The following OPA1 variants were observed in gnomAD, a reference collection of about 807,000 sequenced individuals.
OPA1 encodes the protein dynamin-like GTPase OPA1, mitochondrial.
Under a neutral mutation model 152.9 loss-of-function variants are expected in OPA1, and 59 were observed. The observed-to-expected ratio is 0.39, with a 90% CI of 0.31 to 0.48. The LOEUF is 0.48. OPA1 is among the 20% of genes least tolerant of loss of function. The pLI is 0.96. For synonymous variants in OPA1, 400 were observed against 389.9 expected, an observed-to-expected ratio of 1.03 and a Z score of -0.31; for missense variants, 1,008 against 1,216.8, an observed-to-expected ratio of 0.83 and a Z score of 2.55.
chr3:193,667,134 C>T (rs376964931), intron 28 of OPA1, 36 bp from the exon 29 acceptor site: 17 of 957,914 alleles, frequency 1.8e-5, no homozygotes, highest in Non-Finnish European at 2.2e-5. Context: ...TTTATAAAAA[C>T]GATGCTCCTC....
At chr3:193,646,979 C>G in intron 18 of OPA1, 86 bp from the exon 19 acceptor site, 1 of 819,886 alleles carries the variant, frequency 1.2e-6, no homozygotes, top group Non-Finnish European at 2.0e-6. Flanking sequence ...TGGCTGTTAG[C>G]AAGCACATTC....
chr3:193,651,454 G>T (rs1712416927), intron 21 of OPA1, among the ~76,000 whole-genome samples: 1 of 152,004 alleles, frequency 6.6e-6, no homozygotes, highest in Non-Finnish European at 1.5e-5. Context: ...TAAATAATGA[G>T]TATGTTTATA....
chr3:193,629,912 C>T (rs1466636493), intron 7 of OPA1, among the ~76,000 whole-genome samples: 1 of 152,056 alleles, frequency 6.6e-6, no homozygotes, highest in African/African-American at 2.4e-5. Flanking sequence ...ACATTTAAAA[C>T]TAAAACAATT....
intron 8 of OPA1, among the ~76,000 whole-genome samples, chr3:193,632,784 C>T (rs1176268057): frequency 6.6e-6 from 1 of 152,106 alleles, no homozygotes; most frequent in East Asian, 1.9e-4. Flanking sequence ...GCGGGAGGAT[C>T]ACTTGAGCCC....
intron 29 of OPA1, among the ~76,000 whole-genome samples, chr3:193,678,822 A>G (rs1351312605): frequency 6.6e-6 from 1 of 152,130 alleles, no homozygotes; most frequent in Non-Finnish European, 1.5e-5. Context: ...TCTCTCTTCA[A>G]AGATGCTCAA....
intron 21 of OPA1, among the ~76,000 whole-genome samples, chr3:193,654,466 A>C (rs1211600529): frequency 6.6e-6 from 1 of 151,738 alleles, no homozygotes; most frequent in Non-Finnish European, 1.5e-5. Context: ...ACTGTACTCC[A>C]TCCAGCCTGG....
rs753835372 is a variant in OPA1, at chr3:193,614,975, G to A, written c.285G>A (p.Thr95=). 24 of 1,614,052 alleles carry A rather than the reference G, an allele frequency of 1.5e-5. No homozygotes were observed. Among genetic ancestry groups the A allele is most frequent in the Non-Finnish European group, 1.9e-5 (23 of 1,180,022 alleles). ...ATTTTTGGCCAGCAAGATTAGCTAC[G>A]AGACTCTTAAAACTTCGCTATCTCA... ...RRNFWPARLA[T]RLLKLRYLIL... Residue 95 remains threonine, a synonymous_variant, in exon 2 of 31, where the codon ACG becomes ACA. Transcript: ENST00000361510.
intron 29 of OPA1, among the ~76,000 whole-genome samples, chr3:193,679,395 G>A (rs1290603511): frequency 6.6e-6 from 1 of 152,062 alleles, no homozygotes; most frequent in Non-Finnish European, 1.5e-5. Flanking sequence ...GAAACTCTAG[G>A]ATCTGGCCCT....
chr3:193,625,707 A>T (rs1346091674), intron 6 of OPA1, among the ~76,000 whole-genome samples: 1 of 151,936 alleles, frequency 6.6e-6, no homozygotes, highest in Non-Finnish European at 1.5e-5. Context: ...AGCTATTATG[A>T]TCTTCAATCA....
In OPA1 at chr3:193,608,179, G is replaced by A. The variant is rs1165349191; in HGVS notation, c.33-6544G>A. ...TTACTGGATTCATTGATTTTTTGAA[G>A]GGTTTTTTGTGTCTCTATCTCCTTC... On this transcript the variant is annotated intron_variant, in intron 1 of 30. Coordinates refer to ENST00000361510, the MANE Select transcript of OPA1 (RefSeq NM_130837.3). Among the ~76,000 whole-genome samples the A allele has an allele frequency of 2.6e-5, 4 of 152,216 alleles. No homozygotes were observed. The East Asian group carries it at 7.7e-4, about 29-fold the overall frequency.
At chr3:193,610,131 G>T (rs1727970143) in intron 1 of OPA1, among the ~76,000 whole-genome samples, 1 of 152,170 alleles carries the variant, frequency 6.6e-6, no homozygotes, top group Admixed American at 6.5e-5. Flanking sequence ...AGAATTTTCA[G>T]TATTTTTGCT....
chr3:193,635,934 CTT>C (rs1402538575), intron 9 of OPA1, among the ~76,000 whole-genome samples: 2 of 152,120 alleles, frequency 1.3e-5, no homozygotes, highest in Non-Finnish European at 2.9e-5. Context: ...AAAATTAACA[CTT>C]TTCTTCTAAG....
chr3:193,647,475 G>A (rs1267950992), intron 19 of OPA1, among the ~76,000 whole-genome samples: 1 of 152,206 alleles, frequency 6.6e-6, no homozygotes, highest in Non-Finnish European at 1.5e-5. Flanking sequence ...GATTCACCCT[G>A]TTGAGGATGA....
intron 3 of OPA1, among the ~76,000 whole-genome samples, chr3:193,616,029 C>T (rs767518377): frequency 6.6e-6 from 1 of 152,088 alleles, no homozygotes; most frequent in Non-Finnish European, 1.5e-5. Flanking sequence ...TTTAACTTAT[C>T]GATTGAGACA....
chr3:193,621,156 G>A (rs1729988474), intron 6 of OPA1, among the ~76,000 whole-genome samples: 2 of 152,208 alleles, frequency 1.3e-5, no homozygotes, highest in African/African-American at 2.4e-5. Context: ...ATGTAAAAGT[G>A]CATGTGAATC....
chr3:193,682,203 T>C (rs564528499), intron 29 of OPA1, among the ~76,000 whole-genome samples: 1 of 152,326 alleles, frequency 6.6e-6, no homozygotes, highest in South Asian at 2.1e-4. Flanking sequence ...GCCATAACAT[T>C]CCCTTAAGCT....
rs550522046 is a variant in OPA1, at chr3:193,659,333, A to G, written c.2441-149A>G. On this transcript the variant is annotated intron_variant, in intron 24 of 30. Coordinates refer to ENST00000361510, the MANE Select transcript of OPA1 (RefSeq NM_130837.3). ...ATAATTAAACTCTTACACATGTGCC[A>G]TATCAGTCATGTGGGTTTTTTCCTT... is the stretch of plus-strand genomic sequence containing the variant. 31 of 692,704 alleles carry G rather than the reference A, an allele frequency of 4.5e-5. No homozygotes were observed. In the African/African-American group the frequency reaches 4.9e-4, roughly 11 times the overall value. 42.9% of individuals were successfully genotyped at this position (692,704 alleles called of 1,614,324 possible).
intron 21 of OPA1, among the ~76,000 whole-genome samples, chr3:193,653,632 C>G (rs1220426649): frequency 1.3e-5 from 2 of 152,134 alleles, no homozygotes; most frequent in East Asian, 1.9e-4. Context: ...GCATCTTTTA[C>G]ATTGTTACCT....
At chr3:193,637,322 AAAG>A (rs747742941) in intron 10 of OPA1, 41 bp downstream of exon 10, 24 of 1,277,136 alleles carry the variant, frequency 1.9e-5, no homozygotes, top group South Asian at 1.1e-4. Context: ...ATTAGCAAAA[AAAG>A]AAGCAGCTTA....
Sources: gnomAD v4.1 joint callset for allele counts (sites outside exome capture counted in the v4.1 genomes callset) on GRCh38, gnomAD v4.1.1 for gene constraint, MANE v1.5 for transcripts, NCBI Gene and HGNC (gene_info 2026-07-23, HGNC 2026-07-21) for gene names.